Variants in MAGI2 observed in about 807,000 individuals in gnomAD.
MAGI2 encodes the protein membrane associated guanylate kinase, WW and PDZ domain containing 2, also known as membrane-associated guanylate kinase, WW and PDZ domain-containing protein 2.
In MAGI2, 35 loss-of-function variants were observed where a neutral mutation model predicts 133.3. The ratio of observed to expected loss-of-function variants is 0.26; its 90% confidence interval spans 0.20 to 0.35. MAGI2 has a LOEUF of 0.35. Among genes scored for constraint, MAGI2 ranks in the 10% least tolerant of loss-of-function variants. MAGI2 has a pLI of 1.00. For missense variants in MAGI2, 1,636 were observed against 1,863.4 expected (o/e 0.88, Z 2.25); for synonymous variants, 729 against 710.6 (o/e 1.03, Z -0.41).
At chr7:78,927,661 C>T (rs1464700198) in intron 2 of MAGI2, among the ~76,000 whole-genome samples, 1 of 151,490 alleles carries the variant, frequency 6.6e-6, no homozygotes, top group African/African-American at 2.4e-5. Context: ...AGCCTTTTTC[C>T]CCTCATTAGA....
chr7:79,124,508 G>T (rs190922200), intron 1 of MAGI2, among the ~76,000 whole-genome samples: 1 of 152,160 alleles, frequency 6.6e-6, no homozygotes, highest in Non-Finnish European at 1.5e-5. Context: ...CCAAGTTTGC[G>T]CTGTCAATCA....
chr7:78,739,538 T>A (rs553674480), intron 2 of MAGI2, among the ~76,000 whole-genome samples: 1 of 152,172 alleles, frequency 6.6e-6, no homozygotes, highest in Non-Finnish European at 1.5e-5. Context: ...AAGTTGCCCA[T>A]GTAGGAAACA....
At chr7:78,491,005 C>T (rs1793555567) in intron 5 of MAGI2, among the ~76,000 whole-genome samples, 1 of 152,024 alleles carries the variant, frequency 6.6e-6, no homozygotes, top group Non-Finnish European at 1.5e-5. Flanking sequence ...GCATACTTTA[C>T]TACAGTTGTA....
chr7:78,621,582 G>T (rs942889413), intron 3 of MAGI2, among the ~76,000 whole-genome samples: 1 of 151,914 alleles, frequency 6.6e-6, no homozygotes, highest in African/African-American at 2.4e-5. Context: ...ATTCAAATGA[G>T]CCATTCAGAA....
At chr7:78,411,339 T>A (rs1026361016) in intron 6 of MAGI2, among the ~76,000 whole-genome samples, 3 of 152,056 alleles carry the variant, frequency 2.0e-5, no homozygotes, top group African/African-American at 7.2e-5. Flanking sequence ...GAACCTGGGT[T>A]ATTGAACTGA....
chr7:79,275,713 T>G (rs1327147644), intron 1 of MAGI2, among the ~76,000 whole-genome samples: 1 of 152,160 alleles, frequency 6.6e-6, no homozygotes, highest in African/African-American at 2.4e-5. Flanking sequence ...CTGACTGTCT[T>G]GCTAGGGGCC....
chr7:78,996,947 G>A (rs1465060594), intron 2 of MAGI2, among the ~76,000 whole-genome samples: 3 of 136,802 alleles, frequency 2.2e-5, no homozygotes, highest in African/African-American at 5.3e-5. Flanking sequence ...TGTAGTGCCC[G>A]AGTCATATTC....
At chr7:78,526,868 C>T (rs191780183) in intron 3 of MAGI2, among the ~76,000 whole-genome samples, 8 of 151,536 alleles carry the variant, frequency 5.3e-5, no homozygotes, top group Non-Finnish European at 1.0e-4. Context: ...ATTAGGTGGG[C>T]ATGGTGGCAT....
chr7:78,364,922 AT>A (rs1200789252), intron 7 of MAGI2, among the ~76,000 whole-genome samples: 1 of 152,190 alleles, frequency 6.6e-6, no homozygotes, highest in Admixed American at 6.5e-5. Context: ...ACCATCACGG[AT>A]TTGGTGTCTG....
chr7:78,381,207 C>T (rs1272829372), intron 6 of MAGI2, among the ~76,000 whole-genome samples: 2 of 151,956 alleles, frequency 1.3e-5, no homozygotes, highest in Non-Finnish European at 2.9e-5. Flanking sequence ...ATTAGCTGGC[C>T]GTTGTGGCGC....
intron 2 of MAGI2, among the ~76,000 whole-genome samples, chr7:78,683,595 T>G (rs1188451013): frequency 6.6e-6 from 1 of 152,212 alleles, no homozygotes; most frequent in Non-Finnish European, 1.5e-5. Flanking sequence ...GCATTGATTC[T>G]ACATCCTGAA....
chr7:79,305,639 G>A (rs188823867), intron 1 of MAGI2, among the ~76,000 whole-genome samples: 54 of 152,128 alleles, frequency 3.5e-4, no homozygotes, highest in African/African-American at 1.2e-3. Context: ...GGCTGGTCAC[G>A]GTGGCTTACA....
intron 9 of MAGI2, among the ~76,000 whole-genome samples, chr7:78,267,601 T>A (rs1403703375): frequency 6.6e-6 from 1 of 152,104 alleles, no homozygotes; most frequent in African/African-American, 2.4e-5. Context: ...AGAACAAAAT[T>A]TGTCTTGGCT....
intron 2 of MAGI2, among the ~76,000 whole-genome samples, chr7:78,738,867 A>G (rs1359590089): frequency 6.6e-6 from 1 of 152,222 alleles, no homozygotes; most frequent in Non-Finnish European, 1.5e-5. Context: ...TGAGTAAATA[A>G]GAAAGAAGAA....
intron 2 of MAGI2, among the ~76,000 whole-genome samples, chr7:78,761,884 TCTCTC>T (rs1824548152): frequency 6.6e-6 from 1 of 151,802 alleles, no homozygotes; most frequent in African/African-American, 2.4e-5. Flanking sequence ...AGATAAGACA[TCTCTC>T]CTCACCTCCT....
chr7:78,336,463 C>A (rs1164525882), intron 9 of MAGI2, among the ~76,000 whole-genome samples: 1 of 152,286 alleles, frequency 6.6e-6, no homozygotes, highest in East Asian at 1.9e-4. Context: ...TGCCTCATAA[C>A]TGTAATCCCA....
intron 14 of MAGI2, among the ~76,000 whole-genome samples, chr7:78,172,630 T>C (rs1172264857): frequency 2.0e-5 from 3 of 152,230 alleles, no homozygotes; most frequent in Non-Finnish European, 4.4e-5. Flanking sequence ...CTGTTCATTA[T>C]TTGCTGAAAG....
intron 9 of MAGI2, among the ~76,000 whole-genome samples, chr7:78,286,657 C>T (rs757170253): frequency 6.6e-6 from 1 of 151,872 alleles, no homozygotes; most frequent in Non-Finnish European, 1.5e-5. Context: ...GCTGTGGGGG[C>T]ATGTCTGGGG....
At chr7:78,369,311 C>A (rs1793691963) in intron 6 of MAGI2, 98 bp from the exon 7 acceptor site, 3 of 819,806 alleles carry the variant, frequency 3.7e-6, no homozygotes, top group South Asian at 1.9e-5. Flanking sequence ...AAATGGTCTG[C>A]CAAAGTGGAA....
Sources: gnomAD v4.1 joint callset for allele counts (sites outside exome capture counted in the v4.1 genomes callset) on GRCh38, gnomAD v4.1.1 for gene constraint, MANE v1.5 for transcripts, NCBI Gene and HGNC (gene_info 2026-07-23, HGNC 2026-07-21) for gene names.